Variants in ITSN1 observed in about 807,000 individuals in gnomAD.
ITSN1 encodes intersectin 1, also known as intersectin-1.
In ITSN1, 58 loss-of-function variants were observed where a neutral mutation model predicts 239.8. The observed-to-expected ratio is 0.24, with a 90% CI of 0.20 to 0.30. The LOEUF (loss-of-function observed/expected upper bound fraction) is 0.30, where lower values mean the gene tolerates loss of function less well. ITSN1 is among the 10% of genes least tolerant of loss of function. ITSN1 has a pLI of 1.00. For missense variants in ITSN1, 1,558 were observed against 2,103.3 expected (o/e 0.74, Z 5.07); for synonymous variants, 780 against 770.8 (o/e 1.01, Z -0.20).
At chr21:33,883,234 GT>G (rs1331516451) in intron 35 of ITSN1, among the ~76,000 whole-genome samples, 4 of 152,158 alleles carry the variant, frequency 2.6e-5, no homozygotes, top group Non-Finnish European at 5.9e-5. Flanking sequence ...CCGCAAAATC[GT>G]GGGCGGGGGA....
rs1981434291 is a variant in ITSN1 at position 33,865,640 on chromosome 21, G to C, written c.4074+306G>C. Among the ~76,000 whole-genome samples, 2 of 152,244 alleles carry C rather than the reference G, an allele frequency of 1.3e-5. No homozygotes were observed. Among genetic ancestry groups the C allele is most frequent in the African/African-American group, 2.4e-5 (1 of 41,460 alleles). On this transcript the variant is annotated intron_variant, in intron 32 of 39. Coordinates refer to ENST00000381318, the MANE Select transcript of ITSN1 (RefSeq NM_003024.3). This position sits in a 1 kb window ranked among gnomAD's most constrained non-coding sequence, Gnocchi z 4.4. Reference sequence around the variant, plus strand: ...TTTAAATCTTTCATTTCATTTGCAAGGCCCAGGCAGGTCTTAGATTTCCTC... The same window carrying C: ...TTTAAATCTTTCATTTCATTTGCAACGCCCAGGCAGGTCTTAGATTTCCTC...
chr21:33,652,844 T>G (rs1480264491), intron 1 of ITSN1, among the ~76,000 whole-genome samples: 2 of 152,096 alleles, frequency 1.3e-5, no homozygotes, highest in Non-Finnish European at 2.9e-5. Flanking sequence ...GGTCTTGCAT[T>G]CAATGCTTCT....
At chr21:33,867,792 G>A (rs1981888910) in intron 33 of ITSN1, among the ~76,000 whole-genome samples, 1 of 152,054 alleles carries the variant, frequency 6.6e-6, no homozygotes, top group Non-Finnish European at 1.5e-5. Flanking sequence ...ATGTTCAGAT[G>A]TGTTCGGAGT....
chr21:33,759,675 G>C (rs2068156709), intron 8 of ITSN1, among the ~76,000 whole-genome samples: 1 of 152,124 alleles, frequency 6.6e-6, no homozygotes, highest in Non-Finnish European at 1.5e-5. Flanking sequence ...ATTCTTAGAT[G>C]CTCCCAAAAC....
intron 1 of ITSN1, among the ~76,000 whole-genome samples, chr21:33,683,233 T>A (rs2091065798): frequency 6.6e-6 from 1 of 152,068 alleles, no homozygotes; most frequent in African/African-American, 2.4e-5. Context: ...CATCTTTTCA[T>A]ATTTTGGGAT....
At chr21:33,873,247 G>A (rs377173084) in intron 33 of ITSN1, among the ~76,000 whole-genome samples, 1 of 152,210 alleles carries the variant, frequency 6.6e-6, no homozygotes, top group Non-Finnish European at 1.5e-5. Flanking sequence ...TTTAAACCAC[G>A]GTATGCCTTT....
intron 1 of ITSN1, among the ~76,000 whole-genome samples, chr21:33,690,846 T>C (rs1217068418): frequency 2.1e-5 from 1 of 47,032 alleles, no homozygotes; most frequent in South Asian, 5.8e-4. Flanking sequence ...TATGTAAAAG[T>C]TAAAAAAAAA....
chr21:33,813,095 C>T (rs1307194381), intron 21 of ITSN1, among the ~76,000 whole-genome samples: 3 of 152,172 alleles, frequency 2.0e-5, no homozygotes, highest in Admixed American at 2.0e-4. Flanking sequence ...TTTCATGTAC[C>T]CTCACAACTA....
chr21:33,730,345 T>G lies in ITSN1; in HGVS notation c.186-4699T>G, dbSNP rs954141838. On this transcript the variant is annotated intron_variant, in intron 4 of 39. Transcript: ENST00000381318. The stretch of plus-strand genomic sequence containing the variant: ...TGTATTCATATTTAAATTACTTCCT[T>G]TCCTCCTTACATTAAGGTAACCTGC... Among the ~76,000 whole-genome samples, 6 of 151,664 alleles carry G rather than the reference T, an allele frequency of 4.0e-5. No individual in the cohort carries two copies. The East Asian group carries it at 1.2e-3, about 29-fold the overall frequency.
chr21:33,692,136 G>A (rs948414480), intron 1 of ITSN1, among the ~76,000 whole-genome samples: 2 of 152,214 alleles, frequency 1.3e-5, no homozygotes, highest in Non-Finnish European at 2.9e-5. Flanking sequence ...GACTGGAGGA[G>A]GTTGCGGCTT....
At chr21:33,701,011 A>C (rs1368700369) in intron 1 of ITSN1, among the ~76,000 whole-genome samples, 3 of 129,460 alleles carry the variant, frequency 2.3e-5, no homozygotes, top group African/African-American at 8.9e-5. Context: ...ATGTGGTCTC[A>C]CTCTGTTTCC....
At chr21:33,848,242 T>C (rs2075044369) in intron 29 of ITSN1, among the ~76,000 whole-genome samples, 1 of 152,166 alleles carries the variant, frequency 6.6e-6, no homozygotes, top group Admixed American at 6.5e-5. Flanking sequence ...CACGAGGCTG[T>C]TAGGGTGAGC....
rs1026732770 is a variant in ITSN1, at chr21:33,889,784, T to C, written c.*1484T>C. 2.0e-5 allele frequency: 3 copies of C among 152,212 alleles called. No individual in the cohort carries two copies. Among genetic ancestry groups the C allele is most frequent in the African/African-American group, 7.2e-5 (3 of 41,458 alleles). 9.4% of individuals were successfully genotyped at this position (152,212 alleles called of 1,614,324 possible). A position where few individuals can be genotyped will look rare whatever the true frequency, so the allele number is the denominator to read the frequency against. ...TGCTTTCTAAATGATAGCATCAGCGTTGTGGCAGAGTACCTCCTTTGCTGG... is the reference window on the plus strand; with the variant it reads ...TGCTTTCTAAATGATAGCATCAGCGCTGTGGCAGAGTACCTCCTTTGCTGG... On this transcript the variant is annotated 3_prime_UTR_variant, in exon 40 of 40. Coordinates refer to ENST00000381318, the MANE Select transcript of ITSN1 (RefSeq NM_003024.3).
chr21:33,737,652 C>T (rs2066586622), intron 5 of ITSN1, among the ~76,000 whole-genome samples: 1 of 152,134 alleles, frequency 6.6e-6, no homozygotes. Flanking sequence ...TGGCTCACTG[C>T]AACCTCTGCC....
chr21:33,854,970 A>G (rs1287382546), intron 29 of ITSN1, among the ~76,000 whole-genome samples: 2 of 152,194 alleles, frequency 1.3e-5, no homozygotes, highest in African/African-American at 2.4e-5. Context: ...TCCAGAAAGG[A>G]CAATTGGCCC....
chr21:33,876,504 A>C (rs1399470712), intron 34 of ITSN1, among the ~76,000 whole-genome samples: 3 of 152,228 alleles, frequency 2.0e-5, no homozygotes, highest in African/African-American at 7.2e-5. Context: ...AGCTGGGACC[A>C]CAGGTGCATG....
At chr21:33,873,618 C>G (rs1983121903) in intron 33 of ITSN1, among the ~76,000 whole-genome samples, 1 of 151,946 alleles carries the variant, frequency 6.6e-6, no homozygotes, top group East Asian at 2.0e-4. Flanking sequence ...CGCCTGTAAT[C>G]CCCGCACTTT....
intron 1 of ITSN1, among the ~76,000 whole-genome samples, chr21:33,716,981 CA>C (rs201410467): frequency 0.051 from 7,658 of 149,036 alleles, 647 homozygotes; most frequent in African/African-American, 0.18. Context: ...AGCCAATGAA[CA>C]AAAAAGGAAC....
In ITSN1 at chr21:33,765,927, C is replaced by G; in HGVS notation, c.841C>G (p.Leu281Val). The G allele has an allele frequency of 6.2e-7, 1 of 1,614,080 alleles. No individual in the cohort carries two copies. Among genetic ancestry groups the G allele is most frequent in the Non-Finnish European group, 8.5e-7 (1 of 1,179,940 alleles). ...DGKLTAEEFILAMHLIDVAMS... is the reference protein window; with the variant it reads ...DGKLTAEEFIVAMHLIDVAMS... ...AAAACTTACAGCAGAGGAATTTATC[C>G]TGGCAATGCACCTCATTGATGTAGC... Residue 281 changes from leucine to valine, a missense_variant, in exon 10 of 40, where the codon CTG becomes GTG. Physicochemically the swap from Leu to Val is conservative, Grantham distance 32. This residue lies in a region of ITSN1 where 982 missense variants were observed against 1,209.9 expected (regional missense o/e 0.81). Coordinates refer to ENST00000381318, the MANE Select transcript of ITSN1 (RefSeq NM_003024.3).
Sources: allele counts gnomAD v4.1 joint callset (sites outside exome capture counted in the v4.1 genomes callset), GRCh38; gene constraint gnomAD v4.1.1; regional missense constraint gnomAD v4.1.1; non-coding constraint Gnocchi (gnomAD v3.1); transcripts MANE v1.5; gene names NCBI Gene and HGNC (gene_info 2026-07-23, HGNC 2026-07-21).